Variants in FBN3 observed in about 807,000 individuals in gnomAD.
The protein encoded by FBN3 is fibrillin 3, also known as fibrillin-3.
FBN3 carries 234 observed loss-of-function variants against 330.1 expected under a neutral mutation model. The observed-to-expected ratio is 0.71, with a 90% CI of 0.64 to 0.79. The LOEUF (loss-of-function observed/expected upper bound fraction) is 0.79, where lower values mean the gene tolerates loss of function less well. Ranked by LOEUF, FBN3 falls within the 30% of genes least tolerant of loss-of-function variation. FBN3 has a pLI of 0.00. For synonymous variants in FBN3, 1,458 were observed against 1,517.3 expected, an observed-to-expected ratio of 0.96 and a Z score of 0.91; for missense variants, 3,606 against 3,886.9, an observed-to-expected ratio of 0.93 and a Z score of 1.92.
chr19:8,132,941 T>A (rs1568444100), intron 14 of FBN3, 43 bp downstream of exon 14: 2 of 1,506,498 alleles, frequency 1.3e-6, no homozygotes, highest in Non-Finnish European at 8.9e-7. Flanking sequence ...TGCTTCCCCA[T>A]CTCCCTTCTC....
chr19:8,131,144 C>G lies in FBN3; in HGVS notation c.2044+91G>C. ...CTGGGGCACTTTGTTACGGGAACCC[C>G]GGGCCAACTCCTACAGCCTCCCACC... On this transcript the variant is annotated intron_variant, in intron 16 of 63. Coordinates refer to ENST00000600128, the MANE Select transcript of FBN3 (RefSeq NM_032447.5). The surrounding 1 kb of genome is among the most constrained non-coding windows in gnomAD (Gnocchi z 4.5). The G allele has an allele frequency of 7.7e-7, 1 of 1,295,230 alleles. No individual in the cohort carries two copies. The highest frequency in any genetic ancestry group is 1.4e-5 in the South Asian group (1 of 73,634). 80.2% of individuals were successfully genotyped at this position (1,295,230 alleles called of 1,614,324 possible).
chr19:8,075,350 G>A lies in FBN3; in HGVS notation c.7515C>T (p.Thr2505=), dbSNP rs148480582. The part of the protein sequence containing the change: ...PCGAHGHCHN[T]PGSFRCECHQ... The stretch of plus-strand genomic sequence containing the variant: ...GGCATTCACAGCGGAAGCTGCCCGG[G>A]GTGTTGTGGCAGTGCCCGTGGGCAC... The change falls in exon 60 of 64, where the codon ACC becomes ACT. Residue 2505 remains threonine (T), a synonymous_variant. Transcript: ENST00000600128. 7 of 1,614,104 alleles carry A rather than the reference G, an allele frequency of 4.3e-6. No homozygotes were observed. Among genetic ancestry groups the A allele is most frequent in the African/African-American group, 4.0e-5 (3 of 74,956 alleles).
At position 8,090,089 on chromosome 19, in the gene FBN3, G is replaced by T; in HGVS notation, c.6184+10C>A. ...TCATCCAGGGAGCCTGGACAGGGGT[G>T]GGCACTCACCGCTGCCCTCCTGGGG... On this transcript the variant is annotated intron_variant, in intron 49 of 63. Coordinates refer to ENST00000600128, the MANE Select transcript of FBN3 (RefSeq NM_032447.5). 8.7e-6 allele frequency: 14 copies of T among 1,612,910 alleles called. No homozygotes were observed. The highest frequency in any genetic ancestry group is 1.2e-5 in the Non-Finnish European group (14 of 1,179,462).
At chr19:8,094,423 C>T (rs572322099) in intron 47 of FBN3, 23 bp downstream of exon 47, 34 of 1,586,458 alleles carry the variant, frequency 2.1e-5, no homozygotes, top group Middle Eastern at 3.4e-4. Context: ...GCGCCAGAAA[C>T]GGGAGTGGGG....
Position 8,066,079 on chromosome 19 carries a change from C to T in FBN3, c.8270G>A (p.Gly2757Asp). 1 of 1,613,376 alleles carries T rather than the reference C, an allele frequency of 6.2e-7. No individual in the cohort carries two copies. Among genetic ancestry groups the T allele is most frequent in the Non-Finnish European group, 8.5e-7 (1 of 1,179,934 alleles). Residue 2757 changes from glycine (G) to aspartate (D), a missense_variant, in exon 64 of 64, where the codon GGC (glycine) becomes GAC (aspartate). By Grantham distance (94) the Gly-to-Asp change is moderately conservative. Transcript: ENST00000600128. ...CCGCCCCAGCTGCAGGGAGCTGACG[C>T]CACGGAGGTGATGCATGCGAAAGAA... ...QGFFRMHHLRGVSSLQLGRRR... is the reference protein window; with the variant it reads ...QGFFRMHHLRDVSSLQLGRRR...
At position 8,091,334 on chromosome 19, in the gene FBN3, GCAAA is replaced by G. The variant is rs552360891; in HGVS notation, c.6031+127_6031+130del. 932 of 1,245,194 alleles carry G rather than the reference GCAAA, an allele frequency of 7.5e-4. 4 individuals are homozygous for G. The African/African-American group carries it at 0.012, about 16-fold the overall frequency. The allele number at this position is 1,245,194 out of a possible 1,614,324, so 77.1% of individuals were successfully genotyped here. A position where few individuals can be genotyped will look rare whatever the true frequency, so the allele number is the denominator to read the frequency against. On this transcript the variant is annotated intron_variant, in intron 48 of 63. Transcript: ENST00000600128. ...CTGGCACTAGGATAACTCTGCTAATGCAAACAGACACCTCTGCCTGGTCAGAGCT... is the reference window on the plus strand; with the variant it reads ...CTGGCACTAGGATAACTCTGCTAATGCAGACACCTCTGCCTGGTCAGAGCT...
chr19:8,123,120 G>A (rs909648702), intron 24 of FBN3, among the ~76,000 whole-genome samples: 19 of 151,978 alleles, frequency 1.3e-4, no homozygotes, highest in African/African-American at 2.9e-4. Flanking sequence ...TTGGGAGGCC[G>A]AGGTGGGCGG....
At chr19:8,080,392 A>G (rs1217248210) in intron 59 of FBN3, among the ~76,000 whole-genome samples, 1 of 152,162 alleles carries the variant, frequency 6.6e-6, no homozygotes, top group Non-Finnish European at 1.5e-5. Context: ...TCCTGGGACT[A>G]TGTGAGACCT....
At chr19:8,119,618 A>C (rs2082791038) in intron 25 of FBN3, among the ~76,000 whole-genome samples, 1 of 151,662 alleles carries the variant, frequency 6.6e-6, no homozygotes, top group Non-Finnish European at 1.5e-5. Flanking sequence ...GGTTCATGCA[A>C]TTCTCCTGCC....
chr19:8,111,596 C>T, intron 32 of FBN3, 52 bp downstream of exon 32: 1 of 1,387,690 alleles, frequency 7.2e-7, no homozygotes. Context: ...GTGAATTCAG[C>T]CCCCGTGGCT....
intron 56 of FBN3, 129 bp downstream of exon 56, chr19:8,085,220 GACACACACACACAC>G (rs35473068): frequency 9.7e-5 from 53 of 545,794 alleles, no homozygotes; most frequent in African/African-American, 3.2e-4. Flanking sequence ...CTAGCACAAA[GACACACACACACAC>G]ACACACACAC....
In FBN3 at chr19:8,121,849, A is replaced by C. The variant is rs1445715997; in HGVS notation, c.3083-463T>G. On this transcript the variant is annotated intron_variant, in intron 24 of 63. Transcript: ENST00000600128. The surrounding 1 kb of genome is among the most constrained non-coding windows in gnomAD (Gnocchi z 4.5). ...ACTGCAACTTCTGCCTCCCAGGATC[A>C]AGCGATTCTCCTGCCTCAGCCTCCC... Among the ~76,000 whole-genome samples the C allele has an allele frequency of 1.3e-5, 2 of 151,978 alleles. No homozygotes were observed. The highest frequency in any genetic ancestry group is 2.9e-5 in the Non-Finnish European group (2 of 68,004).
chr19:8,083,992 C>T (rs1273937064), intron 56 of FBN3, among the ~76,000 whole-genome samples: 1 of 151,844 alleles, frequency 6.6e-6, no homozygotes, highest in Non-Finnish European at 1.5e-5. Flanking sequence ...TTAATAGAGA[C>T]AGGGTTTCAC....
At position 8,094,552 on chromosome 19, in the gene FBN3, GCACT is replaced by G; in HGVS notation, c.5795_5798del (p.Glu1932AlafsTer153). The G allele has an allele frequency of 6.2e-7, 1 of 1,613,662 alleles. No homozygotes were observed. Among genetic ancestry groups the G allele is most frequent in the Non-Finnish European group, 8.5e-7 (1 of 1,179,708 alleles). ...GTAGGCAGGTTCCTGCAAGGCTGAG[GCACT>G]CATTGGTGTCTGTGAAAAGGAGGAA... On this transcript the variant is annotated frameshift_variant, in exon 47 of 64. Coordinates refer to ENST00000600128, the MANE Select transcript of FBN3 (RefSeq NM_032447.5). LOFTEE classifies it high-confidence loss of function.
rs2083079345 is a variant in FBN3 at position 8,129,623 on chromosome 19, A to G, written c.2045-258T>C. Among the ~76,000 whole-genome samples, 5 of 152,088 alleles carry G rather than the reference A, an allele frequency of 3.3e-5. No individual in the cohort carries two copies. Among genetic ancestry groups the G allele is most frequent in the African/African-American group, 1.2e-4 (5 of 41,502 alleles). ...ATGTCGAGCAGCTCCCGTGGCCTCC[A>G]CCCATGAGATGTCAGTAGCACCCAC... is the stretch of plus-strand genomic sequence containing the variant. On this transcript the variant is annotated intron_variant, in intron 16 of 63. Coordinates refer to ENST00000600128, the MANE Select transcript of FBN3 (RefSeq NM_032447.5). This position sits in a 1 kb window ranked among gnomAD's most constrained non-coding sequence, Gnocchi z 4.5.
chr19:8,095,927 C>T, intron 45 of FBN3, 37 bp downstream of exon 45: 1 of 1,345,696 alleles, frequency 7.4e-7, no homozygotes, highest in Non-Finnish European at 1.1e-6. Context: ...TTCTGAGAAC[C>T]CACTTTGTGG....
At chr19:8,118,080 CACAG>C (rs1454398948) in intron 26 of FBN3, among the ~76,000 whole-genome samples, 2 of 150,564 alleles carry the variant, frequency 1.3e-5, no homozygotes, top group Admixed American at 6.6e-5. Flanking sequence ...TGCACACTCA[CACAG>C]ACACACACAT....
At chr19:8,135,936 G>GGGGGGGGGGGGGGGCCCCCCCCCCC in intron 13 of FBN3, 25 bp downstream of exon 13, 48 of 668,638 alleles carry the variant, frequency 7.2e-5, no homozygotes, top group East Asian at 2.0e-4. Flanking sequence ...GGAAGCCCCT[G>GGGGGGGGGGGGGGGCCCCCCCCCCC]CCCACCCGCC....
chr19:8,107,008 G>A (rs2082453694), intron 37 of FBN3, among the ~76,000 whole-genome samples: 1 of 151,374 alleles, frequency 6.6e-6, no homozygotes, highest in South Asian at 2.1e-4. Context: ...CGGGCTAGAT[G>A]AAGGATGGGG....
Sources: gnomAD v4.1 joint callset for allele counts (sites outside exome capture counted in the v4.1 genomes callset) on GRCh38, gnomAD v4.1.1 for gene constraint, Gnocchi (gnomAD v3.1) non-coding constraint, MANE v1.5 for transcripts, NCBI Gene and HGNC (gene_info 2026-07-23, HGNC 2026-07-21) for gene names.